Variants in MAST2 observed in about 807,000 individuals in gnomAD.
MAST2 encodes microtubule associated serine/threonine kinase 2, also known as microtubule-associated serine/threonine-protein kinase 2.
Under a neutral mutation model 147.4 loss-of-function variants are expected in MAST2, and 70 were observed. The ratio of observed to expected loss-of-function variants is 0.47; its 90% confidence interval spans 0.39 to 0.58. The LOEUF (loss-of-function observed/expected upper bound fraction) is 0.58. Among genes scored for constraint, MAST2 ranks in the 20% least tolerant of loss-of-function variants. The pLI, the probability that MAST2 is intolerant of heterozygous loss-of-function variation, is 0.00. For synonymous variants in MAST2, 869 were observed against 896.8 expected (o/e 0.97, Z 0.55); for missense variants, 2,080 against 2,302.3 (o/e 0.90, Z 1.98).
intron 4 of MAST2, among the ~76,000 whole-genome samples, chr1:45,908,245 C>CATG (rs1430335505): frequency 2.0e-5 from 3 of 151,992 alleles, no homozygotes; most frequent in Non-Finnish European, 4.4e-5. Flanking sequence ...ATGTGCAGAA[C>CATG]GTACAGGTTT....
At chr1:45,837,681 T>A (rs1479910718) in intron 3 of MAST2, among the ~76,000 whole-genome samples, 3 of 152,246 alleles carry the variant, frequency 2.0e-5, no homozygotes, top group African/African-American at 7.2e-5. Context: ...AGTGTAAATT[T>A]ATCTTTATAA....
At chr1:45,949,499 A>G (rs1658609479) in intron 4 of MAST2, among the ~76,000 whole-genome samples, 1 of 152,230 alleles carries the variant, frequency 6.6e-6, no homozygotes. Context: ...GAGAACTGCA[A>G]ATCAAAACCA....
chr1:45,964,954 T>G (rs1035266658), intron 5 of MAST2, among the ~76,000 whole-genome samples: 28 of 152,228 alleles, frequency 1.8e-4, no homozygotes, highest in Admixed American at 8.5e-4. Flanking sequence ...ACATCTTTAT[T>G]TCTGCCTTCA....
chr1:45,808,321 C>G (rs1281623317), intron 1 of MAST2, among the ~76,000 whole-genome samples: 1 of 152,100 alleles, frequency 6.6e-6, no homozygotes, highest in Non-Finnish European at 1.5e-5. Context: ...ACCTCTGCCT[C>G]CCAGGTTCAA....
intron 3 of MAST2, among the ~76,000 whole-genome samples, chr1:45,876,484 A>C (rs1419271229): frequency 6.6e-6 from 1 of 152,192 alleles, no homozygotes; most frequent in Non-Finnish European, 1.5e-5. Context: ...GGCTGAATGG[A>C]ATGGGCTTCA....
intron 3 of MAST2, among the ~76,000 whole-genome samples, chr1:45,838,054 C>A (rs1477760760): frequency 6.6e-6 from 1 of 151,986 alleles, no homozygotes; most frequent in South Asian, 2.1e-4. Context: ...GCTGGGATTA[C>A]AGGTGTGAGC....
chr1:45,864,983 T>G (rs1557845249), intron 3 of MAST2: 9 of 386,462 alleles, frequency 2.3e-5, no homozygotes, highest in Non-Finnish European at 3.0e-5. Context: ...GATAACTGGT[T>G]TAGTGGAACA....
chr1:45,978,607 G>T (rs1005650609), intron 5 of MAST2, among the ~76,000 whole-genome samples: 2 of 152,194 alleles, frequency 1.3e-5, no homozygotes. Context: ...AAGTATAGAT[G>T]AGTATGTGAA....
intron 4 of MAST2, among the ~76,000 whole-genome samples, chr1:45,920,573 C>G (rs1653300956): frequency 6.6e-6 from 1 of 152,160 alleles, no homozygotes; most frequent in Non-Finnish European, 1.5e-5. Context: ...TCTAGTCTTG[C>G]TAATATTTTG....
At chr1:45,945,608 G>A (rs1657916001) in intron 4 of MAST2, among the ~76,000 whole-genome samples, 1 of 152,142 alleles carries the variant, frequency 6.6e-6, no homozygotes, top group Non-Finnish European at 1.5e-5. Flanking sequence ...ACTAATACAG[G>A]ATGGGTTTAA....
intron 5 of MAST2, among the ~76,000 whole-genome samples, chr1:45,980,297 A>AG (rs1553251886): frequency 6.9e-5 from 10 of 144,896 alleles, no homozygotes; most frequent in Non-Finnish European, 9.1e-5. Context: ...AAAAAAAAAA[A>AG]GGCAACAAAA....
intron 1 of MAST2, among the ~76,000 whole-genome samples, chr1:45,806,445 G>A (rs1384595451): frequency 6.6e-6 from 1 of 152,144 alleles, no homozygotes; most frequent in Non-Finnish European, 1.5e-5. Context: ...TGTCACCCAC[G>A]CTGGAGTGTA....
intron 5 of MAST2, among the ~76,000 whole-genome samples, chr1:45,978,717 A>G (rs761707927): frequency 1.1e-4 from 16 of 152,216 alleles, no homozygotes; most frequent in Non-Finnish European, 1.5e-4. Context: ...AGAAACAAGC[A>G]AACTAGAACA....
chr1:45,888,727 G>GCT (rs1484051455), intron 4 of MAST2, among the ~76,000 whole-genome samples: 1 of 120,158 alleles, frequency 8.3e-6, no homozygotes, highest in Non-Finnish European at 1.6e-5. Flanking sequence ...TCTCGCCCAG[G>GCT]CTGGAGTGCA....
At position 45,850,220 on chromosome 1, in the gene MAST2, A is replaced by G. The variant is rs187452916; in HGVS notation, c.468+20639A>G. 3.2e-4 allele frequency among the ~76,000 whole-genome samples: 48 copies of G among 152,178 alleles called. 1 individual carries two copies. The highest frequency in any genetic ancestry group is 4.9e-4 in the Non-Finnish European group (33 of 68,032). On this transcript the variant is annotated intron_variant, in intron 3 of 28. Transcript: ENST00000361297. ...TGGTTAGTATGTGGAGCATGTTTTCATGTTTGTTGGCTGCCTGTATATCTT... is the reference window on the plus strand; with the variant it reads ...TGGTTAGTATGTGGAGCATGTTTTCGTGTTTGTTGGCTGCCTGTATATCTT...
At chr1:45,893,446 C>G (rs990127651) in intron 4 of MAST2, among the ~76,000 whole-genome samples, 21 of 151,054 alleles carry the variant, frequency 1.4e-4, no homozygotes, top group African/African-American at 4.9e-4. Flanking sequence ...TTGTAATGTT[C>G]CCTAGGCTGG....
At chr1:45,948,459 G>A (rs1469112946) in intron 4 of MAST2, among the ~76,000 whole-genome samples, 5 of 152,072 alleles carry the variant, frequency 3.3e-5, no homozygotes, top group Non-Finnish European at 7.4e-5. Context: ...TGTAATCCCA[G>A]CACTTTGGGA....
rs758969873 is a variant in MAST2 at position 46,036,008 on chromosome 1, G to A, written c.5339G>A (p.Gly1780Asp). The A allele has an allele frequency of 6.2e-7, 1 of 1,613,334 alleles. No homozygotes were observed. The highest frequency in any genetic ancestry group is 8.5e-7 in the Non-Finnish European group (1 of 1,179,890). The change falls in exon 29 of 29, where the codon GGC becomes GAC. Residue 1780 changes from glycine (G) to aspartate (D), a missense_variant. Transcript: ENST00000361297. ...PSLRRGQEPG[G>D]HQKHRDLALV... Reference sequence around the variant, plus strand: ...CTCAGGAGGGGCCAAGAACCAGGGGGCCATCAAAAGCATCGGGATTTGGCA... The same window carrying A: ...CTCAGGAGGGGCCAAGAACCAGGGGACCATCAAAAGCATCGGGATTTGGCA...
chr1:45,973,505 A>G (rs1352590494), intron 5 of MAST2, among the ~76,000 whole-genome samples: 2 of 152,204 alleles, frequency 1.3e-5, no homozygotes, highest in African/African-American at 4.8e-5. Context: ...TGAATAATTC[A>G]GTATGTTTGT....
Sources: gnomAD v4.1 joint callset for allele counts (sites outside exome capture counted in the v4.1 genomes callset) on GRCh38, gnomAD v4.1.1 for gene constraint, MANE v1.5 for transcripts, NCBI Gene and HGNC (gene_info 2026-07-23, HGNC 2026-07-21) for gene names.